Variants in TMEM182 observed in about 807,000 individuals in gnomAD.
The protein encoded by TMEM182 is transmembrane protein 182.
TMEM182 carries 20 observed loss-of-function variants against 26.8 expected under a neutral mutation model. The observed-to-expected ratio is 0.75, with a 90% CI of 0.53 to 1.09. TMEM182 has a LOEUF of 1.09. TMEM182 is among the 50% of genes least tolerant of loss of function. The pLI is 0.00. For synonymous variants in TMEM182, 109 were observed against 102.2 expected (o/e 1.07, Z -0.40); for missense variants, 277 against 275.5 (o/e 1.01, Z -0.04).
chr2:102,786,210 G>GTTTTTTTTTT (rs772846502), intron 3 of TMEM182, among the ~76,000 whole-genome samples: 7 of 91,796 alleles, frequency 7.6e-5, no homozygotes, highest in African/African-American at 1.8e-4. Flanking sequence ...TCAGCAATCT[G>GTTTTTTTTTT]TTTTTTTTTT....
At chr2:102,796,269 T>C (rs2104724934) in intron 3 of TMEM182, among the ~76,000 whole-genome samples, 1 of 152,320 alleles carries the variant, frequency 6.6e-6, no homozygotes, top group Non-Finnish European at 1.5e-5. Flanking sequence ...AGACTTGACT[T>C]TCCTTCTCAC....
intron 3 of TMEM182, among the ~76,000 whole-genome samples, chr2:102,794,536 A>G (rs1229900229): frequency 1.2e-4 from 18 of 152,152 alleles, no homozygotes; most frequent in Non-Finnish European, 1.5e-4. Flanking sequence ...AAATGGCTTC[A>G]CCCTACCCTT....
intron 1 of TMEM182, among the ~76,000 whole-genome samples, chr2:102,746,595 T>C (rs1335150716): frequency 2.6e-5 from 4 of 152,144 alleles, no homozygotes; most frequent in African/African-American, 9.7e-5. Context: ...TCTGAGTTAC[T>C]TATTTTTTTT....
In TMEM182 at chr2:102,764,342, G is replaced by A. The variant is rs369237390; in HGVS notation, c.246G>A (p.Pro82=). Residue 82 remains proline (P), a synonymous_variant, in exon 3 of 5, where the codon CCG becomes CCA. Transcript: ENST00000412401. The stretch of plus-strand genomic sequence containing the variant: ...TGTTCTTCCTAGCCAATCAGCCACC[G>A]TCCAAGAACTGCACACATGCTTACC... ...IWKFWYTNQP[P]SKNCTHAYLS... The A allele has an allele frequency of 2.0e-5, 32 of 1,613,518 alleles. No individual in the cohort carries two copies. Among genetic ancestry groups the A allele is most frequent in the Middle Eastern group, 3.3e-4 (2 of 6,078 alleles).
intron 3 of TMEM182, among the ~76,000 whole-genome samples, chr2:102,837,197 A>C (rs1323899890): frequency 6.6e-6 from 1 of 152,216 alleles, no homozygotes; most frequent in Non-Finnish European, 1.5e-5. Context: ...ATTCTATTTG[A>C]AAAACAAATG....
chr2:102,764,298 A>G, intron 2 of TMEM182, 31 bp from the exon 3 acceptor site: 1 of 1,604,976 alleles, frequency 6.2e-7, no homozygotes, highest in Non-Finnish European at 8.5e-7. Context: ...CTTTTCAATA[A>G]CAAGTGCCAT....
chr2:102,760,581 A>G (rs1020730697), upstream of TMEM182, among the ~76,000 whole-genome samples: 2 of 152,052 alleles, frequency 1.3e-5, no homozygotes, highest in Admixed American at 6.6e-5. Flanking sequence ...AACATTCTAT[A>G]TGGCTTAGAA....
intron 1 of TMEM182, among the ~76,000 whole-genome samples, chr2:102,741,238 C>T (rs1195773137): frequency 6.6e-6 from 1 of 152,140 alleles, no homozygotes; most frequent in Non-Finnish European, 1.5e-5. Context: ...AGGATGACTT[C>T]AGGGGTAATT....
intron 3 of TMEM182, among the ~76,000 whole-genome samples, chr2:102,824,020 G>C (rs1682980378): frequency 6.6e-6 from 1 of 152,180 alleles, no homozygotes; most frequent in Admixed American, 6.5e-5. Context: ...ATGAAAGAGA[G>C]GTGTGAAATA....
At chr2:102,822,188 G>T (rs969688340), downstream of TMEM182, among the ~76,000 whole-genome samples, 33 of 152,094 alleles carry the variant, frequency 2.2e-4, no homozygotes, top group African/African-American at 7.5e-4. Context: ...ATGTGGGCCT[G>T]GAGATGCACA....
chr2:102,739,099 T>A (rs1679473277), intron 1 of TMEM182, among the ~76,000 whole-genome samples: 8 of 152,186 alleles, frequency 5.3e-5, no homozygotes. Flanking sequence ...CCATAGAGGA[T>A]ACCACCTTTA....
intron 3 of TMEM182, among the ~76,000 whole-genome samples, chr2:102,835,013 T>G (rs1683219109): frequency 6.6e-6 from 1 of 152,092 alleles, no homozygotes; most frequent in Non-Finnish European, 1.5e-5. Flanking sequence ...AGGATAATAA[T>G]AGTAATCAGC....
At chr2:102,793,132 T>G (rs1230318521) in intron 3 of TMEM182, among the ~76,000 whole-genome samples, 2 of 152,154 alleles carry the variant, frequency 1.3e-5, no homozygotes, top group Admixed American at 6.6e-5. Flanking sequence ...GCTCATCACC[T>G]CACTTTCTCA....
intron 3 of TMEM182, among the ~76,000 whole-genome samples, chr2:102,829,263 G>T (rs574356195): frequency 1.6e-4 from 25 of 152,258 alleles, no homozygotes; most frequent in African/African-American, 5.8e-4. Flanking sequence ...CCTGGCTCTT[G>T]GTATAGTTTC....
Position 102,762,332 on chromosome 2 carries a change from T to C in TMEM182, c.115T>C (p.Cys39Arg). ...GCTTCTTGCAACTGAAGTGGGGAGA[T>C]GTTCAGGTGAAAAGAATGTGAGTCT... is the stretch of plus-strand genomic sequence containing the variant. ...YWLLATEVGRCSGEKNIENVT... is the reference protein window; with the variant it reads ...YWLLATEVGRRSGEKNIENVT... The change falls in exon 1 of 5, where the codon TGT (cysteine) becomes CGT (arginine). Residue 39 changes from cysteine (C) to arginine (R), a missense_variant. Physicochemically the swap from Cys to Arg is radical, Grantham distance 180. Transcript: ENST00000412401. 6.2e-7 allele frequency: 1 copy of C among 1,613,950 alleles called. No homozygotes were observed. The highest frequency in any genetic ancestry group is 8.5e-7 in the Non-Finnish European group (1 of 1,179,932).
chr2:102,747,612 T>A (rs927520020), intron 1 of TMEM182, among the ~76,000 whole-genome samples: 1 of 151,954 alleles, frequency 6.6e-6, no homozygotes, highest in Non-Finnish European at 1.5e-5. Flanking sequence ...TTAGTTGAGA[T>A]GCCATGTAAC....
chr2:102,737,309 A>C (rs1679381797), intron 1 of TMEM182, among the ~76,000 whole-genome samples: 2 of 152,236 alleles, frequency 1.3e-5, no homozygotes, highest in Non-Finnish European at 1.5e-5. Flanking sequence ...AATTCTACAC[A>C]TGCTTCTTAA....
At position 102,815,300 on chromosome 2, in the gene TMEM182, G is replaced by A. The variant is rs1172854138; in HGVS notation, c.*332G>A. On this transcript the variant is annotated 3_prime_UTR_variant, in exon 5 of 5. Transcript: ENST00000412401. ...CCATGACATGGGGAAAATCTCGATA[G>A]ATTTGGCTTAAAGTCTCCTTGGCAT... 3 of 1,024,148 alleles carry A rather than the reference G, an allele frequency of 2.9e-6. No homozygotes were observed. The highest frequency in any genetic ancestry group is 3.5e-6 in the Non-Finnish European group (3 of 855,910). 63.4% of individuals were successfully genotyped at this position (1,024,148 alleles called of 1,614,324 possible).
rs79249624 is a variant in TMEM182, at chr2:102,768,536, A to C, written c.331+4109A>C. On this transcript the variant is annotated intron_variant, in intron 3 of 4. Transcript: ENST00000412401. ...TCCTATCTGTACTAAAAAAAAAAAA[A>C]ACACACACAAAAAAATTAGCCAGGA... Among the ~76,000 whole-genome samples, 61 of 150,282 alleles carry C rather than the reference A, an allele frequency of 4.1e-4. No individual in the cohort carries two copies. The South Asian group carries it at 4.2e-3, about 10-fold the overall frequency.
Sources: gnomAD v4.1 joint callset for allele counts (sites outside exome capture counted in the v4.1 genomes callset) on GRCh38, gnomAD v4.1.1 for gene constraint, MANE v1.5 for transcripts, NCBI Gene and HGNC (gene_info 2026-07-23, HGNC 2026-07-21) for gene names.